DNHD1: variants seen among roughly 807,000 people sequenced by gnomAD.
DNHD1 encodes dynein heavy chain domain-containing protein 1.
DNHD1 carries 383 observed loss-of-function variants against 458.1 expected under a neutral mutation model. That is an observed-to-expected ratio of 0.84 (90% confidence interval 0.77 to 0.91). The LOEUF (loss-of-function observed/expected upper bound fraction) is 0.91, where lower values mean the gene tolerates loss of function less well. Ranked by LOEUF, DNHD1 falls within the 40% of genes least tolerant of loss-of-function variation. The pLI is 0.00. For missense variants in DNHD1, 5,336 were observed against 5,866.1 expected (o/e 0.91, Z 2.95); for synonymous variants, 2,203 against 2,376.9 (o/e 0.93, Z 2.13).
At position 6,570,276 on chromosome 11, in the gene DNHD1, G is replaced by A. The variant is rs765728927; in HGVS notation, c.12985G>A (p.Asp4329Asn). Residue 4329 changes from aspartate to asparagine, a missense_variant, in exon 41 of 43, where the codon GAC becomes AAC. Around this residue, in one of 4 missense-constraint regions of DNHD1, gnomAD observed 698 missense variants for 664.9 expected, o/e 1.05. Transcript: ENST00000254579. ...AGTTTTCTACGGGGGTCCTCTGGGG[G>A]ACACTGAGGACAGGGAGGCCCTGAT... ...ASVFYGGPLG[D>N]TEDREALISL... The A allele has an allele frequency of 3.7e-6, 6 of 1,613,720 alleles. No individual in the cohort carries two copies. The highest frequency in any genetic ancestry group is 3.3e-5 in the Admixed American group (2 of 59,974).
chr11:6,507,634 T>C (rs529923642), intron 4 of DNHD1, among the ~76,000 whole-genome samples: 2 of 152,284 alleles, frequency 1.3e-5, no homozygotes, highest in South Asian at 4.1e-4. Context: ...AAGTAGGTCA[T>C]AGGAAAAGGA....
Position 6,545,814 on chromosome 11 carries a change from T to C in DNHD1, c.4875T>C (p.Thr1625=). ...AAAGCCCCCTACAGAGTCTTAAGAC[T>C]ATTGCATCTTCTGAACCCTCTCTGT... ...IPKSPLQSLK[T]IASSEPSLSP... is the part of the protein sequence containing the mutation. The change falls in exon 21 of 43, where the codon ACT becomes ACC. Residue 1625 remains threonine (T), a synonymous_variant. Transcript: ENST00000254579. The surrounding 1 kb of genome is among the most constrained non-coding windows in gnomAD (Gnocchi z 4.9). 5 of 1,551,894 alleles carry C rather than the reference T, an allele frequency of 3.2e-6. No individual in the cohort carries two copies. The highest frequency in any genetic ancestry group is 4.4e-6 in the Non-Finnish European group (5 of 1,147,024).
At chr11:6,502,968 G>C (rs550747783) in intron 4 of DNHD1, 42 bp downstream of exon 4, 27 of 1,601,438 alleles carry the variant, frequency 1.7e-5, no homozygotes, top group Middle Eastern at 1.7e-4. Context: ...CCCCTGCCTG[G>C]TTTCCTTCTA....
chr11:6,558,553 A>G lies in DNHD1; in HGVS notation c.9071A>G (p.Gln3024Arg). 1 of 1,551,748 alleles carries G rather than the reference A, an allele frequency of 6.4e-7. No homozygotes were observed. Among genetic ancestry groups the G allele is most frequent in the Non-Finnish European group, 8.7e-7 (1 of 1,146,988 alleles). The change falls in exon 26 of 43, where the codon CAG (glutamine) becomes CGG (arginine). Residue 3024 changes from glutamine (Q) to arginine (R), a missense_variant. Physicochemically the swap from Gln to Arg is conservative, Grantham distance 43. Around this residue, in one of 4 missense-constraint regions of DNHD1, gnomAD observed 3,932 missense variants for 4,365.6 expected, o/e 0.90. Transcript: ENST00000254579. ...FLIGDKQAHKQLPSTLFLRLL... is the reference protein window; with the variant it reads ...FLIGDKQAHKRLPSTLFLRLL... ...ATTGGAGATAAACAGGCCCACAAGC[A>G]GCTGCCCTCCACCCTTTTCCTGAGG...
At chr11:6,541,513 G>A (rs1439031581) in intron 18 of DNHD1, among the ~76,000 whole-genome samples, 2 of 152,180 alleles carry the variant, frequency 1.3e-5, no homozygotes, top group East Asian at 1.9e-4. Context: ...GCTTTAGTCC[G>A]TACATTTGAT....
chr11:6,568,489 C>G lies in DNHD1; in HGVS notation c.12574C>G (p.Gln4192Glu). The G allele has an allele frequency of 6.2e-7, 1 of 1,613,896 alleles. No homozygotes were observed. Among genetic ancestry groups the G allele is most frequent in the Non-Finnish European group, 8.5e-7 (1 of 1,179,882 alleles). ...CCTGGAATCAGAACAGCTTTTAGAC[C>G]AACCTGAAAGCAGGAATGTAAGCAC... ...ADLESEQLLD[Q>E]PESRNVSTVH... The change falls in exon 38 of 43, where the codon CAA becomes GAA. Residue 4192 changes from glutamine (Q) to glutamate (E), a missense_variant. This residue lies in a region of DNHD1 where 695 missense variants were observed against 804.2 expected (regional missense o/e 0.86). Transcript: ENST00000254579.
chr11:6,564,130 CA>C lies in DNHD1; in HGVS notation c.10284+7del. The C allele has an allele frequency of 2.6e-6, 4 of 1,546,232 alleles. No individual in the cohort carries two copies. The highest frequency in any genetic ancestry group is 3.5e-6 in the Non-Finnish European group (4 of 1,143,106). ...CCTGGACTACACAGCTCCAGGTAAC[CA>C]TCCCCCTCCCAGATGTCTCCCCCAA... On this transcript the variant is annotated splice_region_variant and intron_variant, in intron 31 of 42. Transcript: ENST00000254579.
chr11:6,553,275 A>AT (rs1176863075), intron 24 of DNHD1, among the ~76,000 whole-genome samples: 1 of 152,250 alleles, frequency 6.6e-6, no homozygotes, highest in Admixed American at 6.5e-5. Context: ...ATATTAGTAG[A>AT]TAAAAATCAC....
chr11:6,527,539 C>T (rs1039316061), intron 10 of DNHD1, among the ~76,000 whole-genome samples: 4 of 152,180 alleles, frequency 2.6e-5, no homozygotes, highest in Non-Finnish European at 5.9e-5. Flanking sequence ...AATTAGAGTT[C>T]ATTTTGGCTC....
At chr11:6,564,233 G>T in intron 31 of DNHD1, 100 bp from the exon 32 acceptor site, 1 of 1,452,486 alleles carries the variant, frequency 6.9e-7, no homozygotes, top group South Asian at 1.4e-5. Context: ...ACTCCTTGCC[G>T]TACTTTCCTC....
At chr11:6,558,767 C>T in intron 26 of DNHD1, 74 bp downstream of exon 26, 1 of 1,508,464 alleles carries the variant, frequency 6.6e-7, no homozygotes, top group Non-Finnish European at 9.0e-7. Context: ...AGGTCAGTCT[C>T]TCTCTCTCCC....
Position 6,538,687 on chromosome 11 carries a change from C to A in DNHD1, c.3202C>A (p.Leu1068Met), listed in dbSNP as rs1675145998. The A allele has an allele frequency of 6.5e-7, 1 of 1,549,840 alleles. No homozygotes were observed. The highest frequency in any genetic ancestry group is 2.4e-5 in the East Asian group (1 of 40,830). The change falls in exon 16 of 43, where the codon CTG (leucine) becomes ATG (methionine). Residue 1068 changes from leucine to methionine, a missense_variant. Leu to Met is a conservative substitution (Grantham distance 15). Coordinates refer to ENST00000254579, the MANE Select transcript of DNHD1 (RefSeq NM_144666.3). ...AGCACGGATGAGCACAACCCTGGAG[C>A]TGCACAGCCCCGTGCTGCAGCACTG... is the stretch of plus-strand genomic sequence containing the variant. ...EAARMSTTLE[L>M]HSPVLQHCMR...
At chr11:6,539,523 G>C (rs75794455) in intron 17 of DNHD1, among the ~76,000 whole-genome samples, 12,734 of 152,290 alleles carry the variant, frequency 0.084, 606 homozygotes, top group East Asian at 0.12. Context: ...TGTCCCTGAT[G>C]GGGGAAGGAA....
At chr11:6,553,978 T>G (rs1853412680) in intron 24 of DNHD1, among the ~76,000 whole-genome samples, 1 of 152,016 alleles carries the variant, frequency 6.6e-6, no homozygotes, top group Admixed American at 6.5e-5. Flanking sequence ...TTTTGGTAAG[T>G]TGACAGTCTT....
chr11:6,506,197 A>G (rs1003416154), intron 4 of DNHD1, among the ~76,000 whole-genome samples: 3 of 152,178 alleles, frequency 2.0e-5, no homozygotes, highest in African/African-American at 7.2e-5. Flanking sequence ...CAATTTTACT[A>G]TGCATTCCTG....
Position 6,502,718 on chromosome 11 carries a change from C to G in DNHD1, c.747-35C>G. The G allele has an allele frequency of 2.6e-6, 4 of 1,541,706 alleles. No homozygotes were observed. In the South Asian group the frequency reaches 5.1e-5, roughly 20 times the overall value. ...CCCTCTAAGGTACTTGACCTTTTTA[C>G]TCTGCCTTTTCTCTCCTGATTTTCT... On this transcript the variant is annotated intron_variant, in intron 3 of 42. Transcript: ENST00000254579.
In DNHD1 at chr11:6,571,470, C is replaced by A. The variant is rs1473623599; in HGVS notation, c.13911+47C>A. On this transcript the variant is annotated intron_variant, in intron 42 of 42. Coordinates refer to ENST00000254579, the MANE Select transcript of DNHD1 (RefSeq NM_144666.3). The surrounding 1 kb of genome is among the most constrained non-coding windows in gnomAD (Gnocchi z 5.0). ...TTCGCGGTTCCAGTCCCCTCGAAGTCTCTAATTACACCTCGCAGTTACCCC... is the reference window on the plus strand; with the variant it reads ...TTCGCGGTTCCAGTCCCCTCGAAGTATCTAATTACACCTCGCAGTTACCCC... 1 of 1,507,916 alleles carries A rather than the reference C, an allele frequency of 6.6e-7. No homozygotes were observed. Among genetic ancestry groups the A allele is most frequent in the Non-Finnish European group, 8.9e-7 (1 of 1,122,924 alleles). The allele number at this position is 1,507,916 out of a possible 1,614,324, so 93.4% of individuals were successfully genotyped here.
intron 29 of DNHD1, 78 bp from the exon 30 acceptor site, chr11:6,563,304 T>C: frequency 1.3e-6 from 2 of 1,508,834 alleles, no homozygotes; most frequent in Non-Finnish European, 1.8e-6. Flanking sequence ...TCCAAGGAGA[T>C]GATTCCCCTA....
chr11:6,557,652 C>A lies in DNHD1; in HGVS notation c.8357C>A (p.Ser2786Ter). 1.9e-6 allele frequency: 3 copies of A among 1,551,730 alleles called. No homozygotes were observed. The highest frequency in any genetic ancestry group is 2.4e-5 in the South Asian group (2 of 84,060). ...ASNYRLQVRR[S>*]FKTWWQKKPQ... is the part of the protein sequence containing the mutation. ...AACTATAGGCTCCAGGTAAGGAGAT[C>A]ATTCAAGACTTGGTGGCAGAAGAAA... Residue 2786 changes from serine to a stop codon, truncating the protein, a stop_gained, in exon 25 of 43, where the codon TCA becomes TAA. Transcript: ENST00000254579. LOFTEE classifies it high-confidence loss of function.
Sources: allele counts gnomAD v4.1 joint callset (sites outside exome capture counted in the v4.1 genomes callset), GRCh38; gene constraint gnomAD v4.1.1; regional missense constraint gnomAD v4.1.1; non-coding constraint Gnocchi (gnomAD v3.1); transcripts MANE v1.5; gene names NCBI Gene and HGNC (gene_info 2026-07-23, HGNC 2026-07-21).